Variants in BCOR observed in about 807,000 individuals in gnomAD.
The protein encoded by BCOR is BCL-6 corepressor.
BCOR carries 10 observed loss-of-function variants against 86.7 expected under a neutral mutation model. The ratio of observed to expected loss-of-function variants is 0.12; its 90% CI spans 0.07 to 0.20. BCOR has a LOEUF of 0.20. Ranked by LOEUF, BCOR falls within the 10% of genes least tolerant of loss-of-function variation. BCOR has a pLI of 1.00. For missense variants in BCOR, 1,259 were observed against 1,452.1 expected (o/e 0.87, Z 2.16); for synonymous variants, 611 against 609.0 (o/e 1.00, Z -0.05).
intron 10 of BCOR, among the ~76,000 whole-genome samples, chrX:40,059,495 T>C (rs1413250221): frequency 8.9e-6 from 1 of 112,298 alleles, no homozygotes; most frequent in Non-Finnish European, 1.9e-5. Context: ...CCTTTTCTGT[T>C]GGGGTCAAGC....
At chrX:40,161,799 C>T (rs1260556596) in intron 1 of BCOR, among the ~76,000 whole-genome samples, 1 of 112,169 alleles carries the variant, frequency 8.9e-6, no homozygotes, top group African/African-American at 3.2e-5. Context: ...AGGCATGAGC[C>T]ACCGCGCCTA....
intron 4 of BCOR, 75 bp from the exon 5 acceptor site, chrX:40,071,765 TTTC>T: frequency 1.4e-6 from 1 of 730,207 alleles, no homozygotes; most frequent in Non-Finnish European, 2.1e-6. Flanking sequence ...AACCAATTTT[TTTC>T]TTAACATTGC....
At chrX:40,159,295 C>A (rs926201484) in intron 1 of BCOR, among the ~76,000 whole-genome samples, 26 of 112,609 alleles carry the variant, frequency 2.3e-4, no homozygotes, top group African/African-American at 8.4e-4. Flanking sequence ...ACACAATACC[C>A]CATTTGAAAT....
rs754727631 is a variant in BCOR at position 40,072,336 on chromosome X, TG to T, written c.2997+12del. On this transcript the variant is annotated intron_variant, in intron 4 of 14. Transcript: ENST00000378444. ...ACTGGTAAAGTAACTGAAATTCAGGTGGGGGGGCTCACCTGCAATGCCCGTT... is the reference window on the plus strand; with the variant it reads ...ACTGGTAAAGTAACTGAAATTCAGGTGGGGGGCTCACCTGCAATGCCCGTT... 7.9e-5 allele frequency: 95 copies of T among 1,201,034 alleles called. No homozygotes were observed. The highest frequency in any genetic ancestry group is 8.9e-5 in the Admixed American group (4 of 45,149).
At chrX:40,175,422 C>G (rs1938723977) in intron 1 of BCOR, among the ~76,000 whole-genome samples, 1 of 113,389 alleles carries the variant, frequency 8.8e-6, no homozygotes, top group African/African-American at 3.2e-5. Flanking sequence ...GCCCGGGAGA[C>G]AGCAGCTGTG....
chrX:40,085,634 T>C (rs1309680990), intron 1 of BCOR, among the ~76,000 whole-genome samples: 3 of 111,434 alleles, frequency 2.7e-5, no homozygotes, highest in East Asian at 2.8e-4. Flanking sequence ...TTTGCAGATA[T>C]CCTGTAGGCT....
intron 1 of BCOR, among the ~76,000 whole-genome samples, chrX:40,080,949 G>A (rs1431524202): frequency 5.7e-5 from 5 of 88,301 alleles, no homozygotes; most frequent in Admixed American, 2.7e-4. Flanking sequence ...GTGGACTTAC[G>A]CACACACGTG....
intron 1 of BCOR, 48 bp downstream of exon 1, chrX:40,097,167 G>A (rs1298079716): frequency 1.3e-5 from 1 of 77,014 alleles, no homozygotes; most frequent in Non-Finnish European, 2.6e-5. Flanking sequence ...GCGCCCGCCC[G>A]CCCACCCGTC....
Position 40,063,704 on chromosome X carries a change from T to G in BCOR, c.3751A>C (p.Asn1251His), listed in dbSNP as rs1184064280. The change falls in exon 8 of 15, where the codon AAC becomes CAC. Residue 1251 changes from asparagine (N) to histidine (H), a missense_variant. Physicochemically the swap from Asn to His is moderately conservative, Grantham distance 68 (BLOSUM62 1). This residue lies in a region of BCOR where 305 missense variants were observed against 286.1 expected (regional missense o/e 1.07). Transcript: ENST00000378444. The stretch of plus-strand genomic sequence containing the variant: ...CTGCCAGGTTTCTCTTCAGTGATGT[T>G]AGTCCCCTGAGGAATGGCCTCAGGC... ...TQPEAIPQGT[N>H]ITEEKPGRKR... is the part of the protein sequence containing the mutation. The G allele has an allele frequency of 8.3e-7, 1 of 1,210,038 alleles. No homozygotes were observed. The highest frequency in any genetic ancestry group is 1.1e-6 in the Non-Finnish European group (1 of 894,947).
At chrX:40,055,885 G>A (rs376602005) in intron 11 of BCOR, among the ~76,000 whole-genome samples, 105 of 109,607 alleles carry the variant, frequency 9.6e-4, no homozygotes, top group African/African-American at 3.3e-3. Context: ...GCAGTGGGGC[G>A]GATCATGGCT....
intron 1 of BCOR, among the ~76,000 whole-genome samples, chrX:40,159,649 C>T (rs1385779244): frequency 8.9e-6 from 1 of 111,791 alleles, no homozygotes; most frequent in Non-Finnish European, 1.9e-5. Flanking sequence ...CGCGCCCGGC[C>T]AAAAGTTTTA....
chrX:40,083,522 T>A (rs1936209103), intron 1 of BCOR, among the ~76,000 whole-genome samples: 1 of 111,544 alleles, frequency 9.0e-6, no homozygotes. Flanking sequence ...TCCCGGGGCG[T>A]CGGGGTCTGA....
chrX:40,134,401 A>G (rs922063218), intron 1 of BCOR, among the ~76,000 whole-genome samples: 8 of 111,632 alleles, frequency 7.2e-5, no homozygotes, highest in African/African-American at 2.6e-4. Context: ...AGGCGGGAGG[A>G]TGGCTTGAGC....
chrX:40,122,823 C>T (rs1340148633), intron 1 of BCOR, among the ~76,000 whole-genome samples: 1 of 111,933 alleles, frequency 8.9e-6, no homozygotes, highest in Admixed American at 9.5e-5. Flanking sequence ...ATAATATTTT[C>T]AGGCAGTCAG....
At chrX:40,122,492 C>A (rs900992645) in intron 1 of BCOR, among the ~76,000 whole-genome samples, 1 of 111,987 alleles carries the variant, frequency 8.9e-6, no homozygotes, top group African/African-American at 3.2e-5. Context: ...CAGTAAGTAC[C>A]CCATGGTAGG....
intron 1 of BCOR, among the ~76,000 whole-genome samples, chrX:40,131,365 G>A (rs1361137237): frequency 1.8e-5 from 2 of 112,520 alleles, no homozygotes; most frequent in Non-Finnish European, 3.8e-5. Flanking sequence ...ACTAGAAACT[G>A]AGAAAAACAG....
intron 1 of BCOR, among the ~76,000 whole-genome samples, chrX:40,113,610 G>A (rs754581197): frequency 5.0e-4 from 55 of 110,381 alleles, no homozygotes; most frequent in African/African-American, 7.6e-4. Flanking sequence ...CAGCAAGACC[G>A]TATCGTCCAT....
intron 1 of BCOR, among the ~76,000 whole-genome samples, chrX:40,171,160 T>G (rs1305685585): frequency 8.9e-6 from 1 of 112,010 alleles, no homozygotes; most frequent in Non-Finnish European, 1.9e-5. Context: ...CAATGTCATT[T>G]AGAATATATT....
chrX:40,111,609 C>T (rs992906137), intron 1 of BCOR, among the ~76,000 whole-genome samples: 8 of 111,894 alleles, frequency 7.1e-5, no homozygotes, highest in African/African-American at 2.6e-4. Context: ...TATGGAAAGA[C>T]CCCCAAGGTC....
Sources: gnomAD v4.1 joint callset for allele counts (sites outside exome capture counted in the v4.1 genomes callset) on GRCh38, gnomAD v4.1.1 for gene constraint, gnomAD v4.1.1 regional missense constraint, MANE v1.5 for transcripts, NCBI Gene and HGNC (gene_info 2026-07-23, HGNC 2026-07-21) for gene names.